The following CARS2 variants were observed in gnomAD, a reference collection of about 807,000 sequenced individuals.
CARS2 encodes probable cysteine--tRNA ligase, mitochondrial.
Under a neutral mutation model 68.8 loss-of-function variants are expected in CARS2, and 52 were observed. The ratio of observed to expected loss-of-function variants is 0.76; its 90% confidence interval spans 0.61 to 0.95. The LOEUF is 0.95. Ranked by LOEUF, CARS2 falls within the 40% of genes least tolerant of loss-of-function variation. The pLI is 0.00. For synonymous variants in CARS2, 314 were observed against 303.6 expected, an observed-to-expected ratio of 1.03 and a Z score of -0.36; for missense variants, 780 against 754.2, an observed-to-expected ratio of 1.03 and a Z score of -0.40.
chr13:110,655,619 C>T (rs939925970), intron 9 of CARS2, among the ~76,000 whole-genome samples: 8 of 152,184 alleles, frequency 5.3e-5, no homozygotes, highest in Admixed American at 2.6e-4. Context: ...GGAGAGAAGC[C>T]GGGCAACAGT....
intron 6 of CARS2, among the ~76,000 whole-genome samples, 154 bp from the exon 7 acceptor site, chr13:110,677,257 C>T (rs1444110339): frequency 5.5e-5 from 2 of 36,418 alleles, no homozygotes; most frequent in Non-Finnish European, 1.7e-4. Flanking sequence ...CAGTCACCCC[C>T]ACCACAGAGA....
chr13:110,701,722 G>A (rs1178861129), intron 2 of CARS2, among the ~76,000 whole-genome samples, 167 bp from the exon 3 acceptor site: 2 of 152,200 alleles, frequency 1.3e-5, no homozygotes, highest in African/African-American at 4.8e-5. Context: ...GATGGCACCA[G>A]GGCCTGCGCC....
upstream of CARS2, chr13:110,706,233 A>G (rs1327991472): frequency 9.3e-6 from 5 of 537,804 alleles, no homozygotes; most frequent in Admixed American, 4.8e-5. Context: ...GTCCTCAGGT[A>G]GCGCCTCCCT....
At chr13:110,685,616 A>T (rs1384372838) in intron 5 of CARS2, among the ~76,000 whole-genome samples, 1 of 152,252 alleles carries the variant, frequency 6.6e-6, no homozygotes, top group African/African-American at 2.4e-5. Flanking sequence ...GGGACAAAAT[A>T]TGAATACATT....
rs150990896 is a variant in CARS2, at chr13:110,670,612, G to C, written c.786-3139C>G. Among the ~76,000 whole-genome samples, 478 of 152,306 alleles carry C rather than the reference G, an allele frequency of 3.1e-3. 7 individuals carry two copies. The highest frequency in any genetic ancestry group is 0.011 in the African/African-American group (460 of 41,572). On this transcript the variant is annotated intron_variant, in intron 7 of 14. Coordinates refer to ENST00000257347, the MANE Select transcript of CARS2 (RefSeq NM_024537.4). The surrounding 1 kb of genome is among the most constrained non-coding windows in gnomAD (Gnocchi z 4.1). The stretch of plus-strand genomic sequence containing the variant: ...AAACCACAAAGATGGGGAGAAACCA[G>C]AGCAGAAAAGCTGAAAATTCTAAAA...
rs140632486 is a variant in CARS2, at chr13:110,683,874, A to G, written c.572-740T>C. Among the ~76,000 whole-genome samples, 501 of 152,262 alleles carry G rather than the reference A, an allele frequency of 3.3e-3. 2 individuals carry two copies. Among genetic ancestry groups the G allele is most frequent in the African/African-American group, 0.011 (467 of 41,540 alleles). On this transcript the variant is annotated intron_variant, in intron 5 of 14. Transcript: ENST00000257347. Reference sequence around the variant, plus strand: ...TCTACCAAAAAAAACACACAAAAAAATCATCTGCATATTGAAGTGTCTGTG... The same window carrying G: ...TCTACCAAAAAAAACACACAAAAAAGTCATCTGCATATTGAAGTGTCTGTG...
chr13:110,659,487 C>G (rs979771596), intron 9 of CARS2, among the ~76,000 whole-genome samples: 1 of 135,536 alleles, frequency 7.4e-6, no homozygotes, highest in Non-Finnish European at 1.5e-5. Flanking sequence ...CCTCCTCAAG[C>G]CCAGATCTCC....
chr13:110,703,207 A>C (rs9301475), intron 2 of CARS2, among the ~76,000 whole-genome samples: 4 of 152,126 alleles, frequency 2.6e-5, no homozygotes, highest in African/African-American at 9.7e-5. Flanking sequence ...AGTGCTACCC[A>C]TTGCTCAAAT....
intron 13 of CARS2, chr13:110,642,905 T>TGCACACGTGTGTTTCGG (rs1267975283): frequency 2.3e-6 from 1 of 431,818 alleles, no homozygotes; most frequent in Non-Finnish European, 4.4e-6. Context: ...ACTGAGCGCT[T>TGCACACGTGTGTTTCGG]GCACACGTGT....
chr13:110,684,564 A>G (rs181198761), intron 5 of CARS2, among the ~76,000 whole-genome samples: 14 of 149,138 alleles, frequency 9.4e-5, no homozygotes, highest in African/African-American at 3.4e-4. Flanking sequence ...CCCAAGCCAC[A>G]CTGGCCTTTC....
At chr13:110,682,613 C>T (rs192534202) in intron 6 of CARS2, among the ~76,000 whole-genome samples, 12 of 152,228 alleles carry the variant, frequency 7.9e-5, no homozygotes, top group Admixed American at 3.9e-4. Context: ...ATGTTTTGAC[C>T]TAATAACTCC....
chr13:110,677,907 A>T (rs1040156490), intron 6 of CARS2: 52 of 151,692 alleles, frequency 3.4e-4, no homozygotes, highest in African/African-American at 1.2e-3. Context: ...ACAGAAACTC[A>T]GCTGGTCACC....
intron 7 of CARS2, among the ~76,000 whole-genome samples, chr13:110,674,879 C>A (rs2062901688): frequency 6.6e-6 from 1 of 152,046 alleles, no homozygotes; most frequent in African/African-American, 2.4e-5. Flanking sequence ...TCAAACAACC[C>A]CATCAAAAAG....
At chr13:110,693,972 G>T (rs2063549541) in intron 3 of CARS2, among the ~76,000 whole-genome samples, 1 of 152,060 alleles carries the variant, frequency 6.6e-6, no homozygotes, top group Admixed American at 6.6e-5. Context: ...CACAAAAAGA[G>T]AAACTTTGGC....
intron 3 of CARS2, among the ~76,000 whole-genome samples, chr13:110,689,669 A>G (rs997466851): frequency 3.0e-4 from 46 of 152,362 alleles, no homozygotes; most frequent in African/African-American, 9.4e-4. Flanking sequence ...CGGGCAGGAC[A>G]GCTTTGTAAA....
At chr13:110,660,890 TA>T (rs2062485986) in intron 9 of CARS2, among the ~76,000 whole-genome samples, 1 of 151,370 alleles carries the variant, frequency 6.6e-6, no homozygotes, top group Non-Finnish European at 1.5e-5. Flanking sequence ...GCCTCCCAAG[TA>T]GCTGAGATTA....
chr13:110,668,747 T>C lies in CARS2; in HGVS notation c.786-1274A>G, dbSNP rs1023335234. On this transcript the variant is annotated intron_variant, in intron 7 of 14. Transcript: ENST00000257347. This position sits in a 1 kb window ranked among gnomAD's most constrained non-coding sequence, Gnocchi z 4.1. ...GACGTGAAAGTTTCACAAGCTGAAC[T>C]ATGGGGCCACAACCTTCACTATGTT... is the stretch of plus-strand genomic sequence containing the variant. 6.6e-6 allele frequency among the ~76,000 whole-genome samples: 1 copy of C among 152,202 alleles called. No homozygotes were observed. The highest frequency in any genetic ancestry group is 2.4e-5 in the African/African-American group (1 of 41,450).
At chr13:110,693,347 G>C (rs915665553) in intron 3 of CARS2, among the ~76,000 whole-genome samples, 2 of 151,964 alleles carry the variant, frequency 1.3e-5, no homozygotes, top group African/African-American at 4.8e-5. Context: ...TGCTGCTGGT[G>C]CTGGGGAGAG....
At chr13:110,655,841 T>G (rs1303152985) in intron 9 of CARS2, among the ~76,000 whole-genome samples, 1 of 152,232 alleles carries the variant, frequency 6.6e-6, no homozygotes, top group East Asian at 1.9e-4. Context: ...AAGGTTTATG[T>G]GTATTGGCCT....
Sources: gnomAD v4.1 joint callset for allele counts (sites outside exome capture counted in the v4.1 genomes callset) on GRCh38, gnomAD v4.1.1 for gene constraint, Gnocchi (gnomAD v3.1) non-coding constraint, MANE v1.5 for transcripts, NCBI Gene and HGNC (gene_info 2026-07-23, HGNC 2026-07-21) for gene names.